The following ADGRB3 variants were observed in gnomAD, a reference collection of about 807,000 sequenced individuals.
ADGRB3 encodes brain-specific angiogenesis inhibitor 3.
A neutral mutation model predicts 193.4 loss-of-function variants in ADGRB3; 37 were observed. The ratio of observed to expected loss-of-function variants is 0.19; its 90% CI spans 0.15 to 0.25. ADGRB3 has a LOEUF of 0.25. ADGRB3 is among the 10% of genes least tolerant of loss of function. The probability of loss-of-function intolerance (pLI) is 1.00; values close to 1 mark genes in which losing one functional copy is unlikely to be tolerated. For missense variants in ADGRB3, 1,637 were observed against 1,852.9 expected, an observed-to-expected ratio of 0.88 and a Z score of 2.14; for synonymous variants, 690 against 644.2, an observed-to-expected ratio of 1.07 and a Z score of -1.08.
intron 3 of ADGRB3, among the ~76,000 whole-genome samples, chr6:68,872,062 G>A (rs1455163778): frequency 6.6e-6 from 1 of 151,882 alleles, no homozygotes; most frequent in Non-Finnish European, 1.5e-5. Flanking sequence ...ATTTTCTCTT[G>A]CTGTAACTTT....
At chr6:69,322,006 C>G (rs1026087204) in intron 20 of ADGRB3, among the ~76,000 whole-genome samples, 1 of 151,716 alleles carries the variant, frequency 6.6e-6, no homozygotes, top group African/African-American at 2.4e-5. Flanking sequence ...CTCCTTTCTC[C>G]CTCCCTCCAC....
At chr6:68,787,533 A>T (rs1196653299) in intron 3 of ADGRB3, among the ~76,000 whole-genome samples, 1 of 152,060 alleles carries the variant, frequency 6.6e-6, no homozygotes, top group Non-Finnish European at 1.5e-5. Flanking sequence ...AAGCTTTTTG[A>T]TGTGCTGCCG....
intron 3 of ADGRB3, among the ~76,000 whole-genome samples, chr6:68,715,422 A>G (rs1389812884): frequency 6.6e-6 from 1 of 151,666 alleles, no homozygotes; most frequent in Non-Finnish European, 1.5e-5. Context: ...TCACAATAAT[A>G]CTCTTCACTC....
intron 11 of ADGRB3, among the ~76,000 whole-genome samples, chr6:69,007,594 T>G (rs1250394408): frequency 6.6e-6 from 1 of 152,068 alleles, no homozygotes; most frequent in African/African-American, 2.4e-5. Context: ...GCTGTCTCTT[T>G]ATTATTCTGG....
At chr6:68,852,972 G>C (rs1056384531) in intron 3 of ADGRB3, among the ~76,000 whole-genome samples, 2 of 152,010 alleles carry the variant, frequency 1.3e-5, no homozygotes, top group African/African-American at 4.8e-5. Flanking sequence ...AATACTAAAT[G>C]ATGAGCCATA....
intron 15 of ADGRB3, among the ~76,000 whole-genome samples, chr6:69,049,599 G>A (rs894774456): frequency 6.6e-6 from 1 of 151,888 alleles, no homozygotes; most frequent in African/African-American, 2.4e-5. Flanking sequence ...CCTTGATACT[G>A]AAAGAAAAAA....
intron 10 of ADGRB3, among the ~76,000 whole-genome samples, chr6:68,981,151 C>T (rs554254231): frequency 8.6e-5 from 13 of 151,614 alleles, no homozygotes; most frequent in Non-Finnish European, 1.2e-4. Flanking sequence ...TACTCACTTA[C>T]GGAATTCAAA....
intron 3 of ADGRB3, among the ~76,000 whole-genome samples, chr6:68,866,002 G>C (rs1258493101): frequency 6.6e-6 from 1 of 152,110 alleles, no homozygotes; most frequent in Non-Finnish European, 1.5e-5. Context: ...GATCAGAGTG[G>C]TTCTGTAATC....
chr6:68,729,344 T>C (rs947695860), intron 3 of ADGRB3, among the ~76,000 whole-genome samples: 1 of 151,614 alleles, frequency 6.6e-6, no homozygotes, highest in African/African-American at 2.4e-5. Flanking sequence ...ATCCTGGACA[T>C]AAAATTCTTT....
At chr6:69,111,489 G>A (rs1773364765) in intron 17 of ADGRB3, among the ~76,000 whole-genome samples, 1 of 152,174 alleles carries the variant, frequency 6.6e-6, no homozygotes, top group Non-Finnish European at 1.5e-5. Context: ...TAGGGAACAA[G>A]CATTTAGATA....
intron 3 of ADGRB3, among the ~76,000 whole-genome samples, chr6:68,740,903 A>G (rs570851622): frequency 6.6e-6 from 1 of 152,282 alleles, no homozygotes; most frequent in South Asian, 2.1e-4. Flanking sequence ...TTGATAGGCC[A>G]TGTCAGTCTT....
chr6:68,975,162 G>T, intron 9 of ADGRB3, 72 bp from the exon 10 acceptor site: 1 of 1,243,648 alleles, frequency 8.0e-7, no homozygotes, highest in South Asian at 1.3e-5. Flanking sequence ...TTTTTAGCCT[G>T]ATTCCCAGCT....
At chr6:68,996,438 A>G (rs1041561621) in intron 11 of ADGRB3, among the ~76,000 whole-genome samples, 3 of 152,224 alleles carry the variant, frequency 2.0e-5, no homozygotes, top group Non-Finnish European at 4.4e-5. Flanking sequence ...AACCTTTGGT[A>G]GAGCTTCAAG....
At chr6:69,039,060 C>T (rs1034930121) in intron 13 of ADGRB3, among the ~76,000 whole-genome samples, 15 of 152,024 alleles carry the variant, frequency 9.9e-5, no homozygotes, top group African/African-American at 3.6e-4. Flanking sequence ...ATTCTATGCC[C>T]CCATTAGTCA....
intron 17 of ADGRB3, among the ~76,000 whole-genome samples, chr6:69,154,039 A>G (rs1774760700): frequency 2.0e-5 from 3 of 152,174 alleles, no homozygotes; most frequent in African/African-American, 7.2e-5. Flanking sequence ...CATAATTTTA[A>G]TATATCAAAA....
At chr6:68,693,456 C>T (rs772514870) in intron 3 of ADGRB3, among the ~76,000 whole-genome samples, 1 of 151,890 alleles carries the variant, frequency 6.6e-6, no homozygotes, top group Non-Finnish European at 1.5e-5. Flanking sequence ...GTTAGTGGGG[C>T]TTCTCTGATG....
chr6:69,102,048 A>G (rs1160294620), intron 17 of ADGRB3, among the ~76,000 whole-genome samples: 1 of 151,882 alleles, frequency 6.6e-6, no homozygotes, highest in Admixed American at 6.6e-5. Context: ...GTGGTGGCGG[A>G]CGCCTGTAGT....
At chr6:68,638,401 A>G (rs528811572) in intron 2 of ADGRB3, among the ~76,000 whole-genome samples, 13 of 152,388 alleles carry the variant, frequency 8.5e-5, no homozygotes, top group African/African-American at 3.1e-4. Flanking sequence ...AAGTTAGGGC[A>G]TTCCTATTAA....
rs141972300 is a variant in ADGRB3, at chr6:69,054,264, C to A, written c.2333+4918C>A. On this transcript the variant is annotated intron_variant, in intron 15 of 31. Coordinates refer to ENST00000370598, the MANE Select transcript of ADGRB3 (RefSeq NM_001704.3). ...TGAATTTCTTGTCAAGTACACTAAC[C>A]TAATTAAGATAAATGAGGCTGAAAT... Among the ~76,000 whole-genome samples, 1,318 of 151,992 alleles carry A rather than the reference C, an allele frequency of 8.7e-3. 19 individuals are homozygous for A. The highest frequency in any genetic ancestry group is 0.03 in the African/African-American group (1,258 of 41,456).
Sources: allele counts gnomAD v4.1 joint callset (sites outside exome capture counted in the v4.1 genomes callset), GRCh38; gene constraint gnomAD v4.1.1; transcripts MANE v1.5; gene names NCBI Gene and HGNC (gene_info 2026-07-23, HGNC 2026-07-21).